The following RGS3 variants were observed in gnomAD, a reference collection of about 807,000 sequenced individuals.
The protein encoded by RGS3 is regulator of G-protein signalling 3.
RGS3 carries 80 observed loss-of-function variants against 132.6 expected under a neutral mutation model. The observed-to-expected ratio is 0.60, with a 90% CI of 0.50 to 0.73. The LOEUF (loss-of-function observed/expected upper bound fraction) is 0.73, where lower values mean the gene tolerates loss of function less well. Among genes scored for constraint, RGS3 ranks in the 30% least tolerant of loss-of-function variants. RGS3 has a pLI of 0.00. For missense variants in RGS3, 1,382 were observed against 1,530.8 expected, an observed-to-expected ratio of 0.90 and a Z score of 1.62; for synonymous variants, 598 against 620.6, an observed-to-expected ratio of 0.96 and a Z score of 0.54.
chr9:113,536,804 G>C (rs752019247), exon 19 of RGS3: 1 of 1,613,920 alleles, frequency 6.2e-7, no homozygotes, highest in African/African-American at 1.3e-5. Context: ...AGAAGGCAGA[G>C]TGCTTATTCA....
chr9:113,452,788 C>A (rs910649013), intron 1 of RGS3, among the ~76,000 whole-genome samples: 4 of 149,622 alleles, frequency 2.7e-5, no homozygotes, highest in African/African-American at 7.4e-5. Flanking sequence ...TCGAGTTCAC[C>A]GATCTTTTTT....
Position 113,463,779 on chromosome 9 carries a change from C to A in RGS3, c.415+1578C>A. 6.3e-7 allele frequency: 1 copy of A among 1,599,224 alleles called. No homozygotes were observed. Among genetic ancestry groups the A allele is most frequent in the Non-Finnish European group, 8.5e-7 (1 of 1,174,016 alleles). On this transcript the variant is annotated intron_variant, in intron 3 of 24. In the 5' UTR this introduces an upstream ATG that the reference lacks. Transcript: ENST00000350696. This position sits in a 1 kb window ranked among gnomAD's most constrained non-coding sequence, Gnocchi z 4.6. ...CAGCCGCCTCGGGTTGCAGACGCTCCTGTCCGGGTCGCAGTGGGACGCCAT... is the reference window on the plus strand; with the variant it reads ...CAGCCGCCTCGGGTTGCAGACGCTCATGTCCGGGTCGCAGTGGGACGCCAT...
At chr9:113,595,128 C>A (rs884992) in intron 23 of RGS3, 148 bp downstream of exon 21, 1 of 725,880 alleles carries the variant, frequency 1.4e-6, no homozygotes. Flanking sequence ...GGGCTGAGCC[C>A]AAGCTGAGGC....
At chr9:113,474,336 T>C (rs1032472667) in intron 3 of RGS3, among the ~76,000 whole-genome samples, 3 of 152,168 alleles carry the variant, frequency 2.0e-5, no homozygotes, top group African/African-American at 7.2e-5. Flanking sequence ...GGGTTCTCCT[T>C]CTTTTAACAC....
chr9:113,495,818 G>T, exon 8 of RGS3: 1 of 1,614,160 alleles, frequency 6.2e-7, no homozygotes, highest in Non-Finnish European at 8.5e-7. Context: ...ATGAGCTTTG[G>T]GGTGAAGTCT....
intron 16 of RGS3, among the ~76,000 whole-genome samples, chr9:113,519,903 A>G (rs1831856695): frequency 6.6e-6 from 1 of 152,134 alleles, no homozygotes; most frequent in Non-Finnish European, 1.5e-5. Flanking sequence ...CCTGAGGTCT[A>G]TGGCCCTGTG....
At chr9:113,484,303 G>A in intron 6 of RGS3, 71 bp downstream of exon 4, 1 of 434,542 alleles carries the variant, frequency 2.3e-6, no homozygotes, top group Non-Finnish European at 4.2e-6. Flanking sequence ...AGCTCTGTTT[G>A]CCAAATCTAG....
At chr9:113,587,653 G>A (rs978307099) in intron 20 of RGS3, among the ~76,000 whole-genome samples, 1 of 152,206 alleles carries the variant, frequency 6.6e-6, no homozygotes, top group Non-Finnish European at 1.5e-5. Flanking sequence ...CAGTCTCGAC[G>A]TTGTCTCCGG....
At chr9:113,592,116 G>A (rs767760969) in intron 21 of RGS3, 4 of 152,372 alleles carry the variant, frequency 2.6e-5, no homozygotes, top group Non-Finnish European at 5.9e-5. Context: ...CTATAGGGAG[G>A]AGCCTCCTGC....
upstream of RGS3, among the ~76,000 whole-genome samples, chr9:113,457,440 A>G (rs570896687): frequency 6.6e-6 from 1 of 152,290 alleles, no homozygotes; most frequent in Admixed American, 6.5e-5. Context: ...CCACTTGACT[A>G]TAAACTCCAT....
intron 19 of RGS3, chr9:113,570,430 G>A (rs553145291): frequency 2.0e-5 from 3 of 152,154 alleles, no homozygotes; most frequent in South Asian, 2.1e-4. Flanking sequence ...AGCCCAGGGA[G>A]CAGAAGAGGA....
chr9:113,446,000 C>A (rs1829091814), intron 1 of RGS3, among the ~76,000 whole-genome samples: 1 of 152,068 alleles, frequency 6.6e-6, no homozygotes. Context: ...TATAGAAAAC[C>A]CCTTGGGTTT....
At chr9:113,536,260 C>G (rs1052626534) in intron 18 of RGS3, among the ~76,000 whole-genome samples, 9 of 152,190 alleles carry the variant, frequency 5.9e-5, no homozygotes, top group African/African-American at 2.2e-4. Context: ...CTCTGCCCGT[C>G]AAAGACTTTC....
upstream of RGS3, among the ~76,000 whole-genome samples, chr9:113,458,181 T>C (rs906860178): frequency 5.9e-5 from 9 of 152,248 alleles, no homozygotes. Context: ...CCTCCCAAAG[T>C]CCTGGGATTA....
chr9:113,505,409 T>C (rs1831083760), intron 10 of RGS3, 33 bp from the exon 9 acceptor site: 1 of 1,605,810 alleles, frequency 6.2e-7, no homozygotes, highest in South Asian at 1.1e-5. Context: ...AGCCTCCAGC[T>C]TCTGGCAGTG....
chr9:113,546,905 G>A (rs529224083), intron 19 of RGS3, among the ~76,000 whole-genome samples: 31 of 152,284 alleles, frequency 2.0e-4, no homozygotes, highest in South Asian at 4.1e-4. Context: ...GGTATTCACC[G>A]TGTGACCTTG....
At position 113,591,263 on chromosome 9, in the gene RGS3, T is replaced by G; in HGVS notation, c.3016-70T>G. 2.1e-6 allele frequency: 3 copies of G among 1,402,812 alleles called. No individual in the cohort carries two copies. Among genetic ancestry groups the G allele is most frequent in the African/African-American group, 1.4e-5 (1 of 70,796 alleles). 86.9% of individuals were successfully genotyped at this position (1,402,812 alleles called of 1,614,324 possible). On this transcript the variant is annotated intron_variant, in intron 20 of 24. Coordinates refer to ENST00000350696, the Ensembl canonical transcript of RGS3. The surrounding 1 kb of genome is among the most constrained non-coding windows in gnomAD (Gnocchi z 4.4). The stretch of plus-strand genomic sequence containing the variant: ...CTGGTGGCAGGGAATGTTGGGTCTC[T>G]GAGCCTCTGTTTACTTAGGCAGGAG...
At chr9:113,499,989 A>G (rs944009916) in intron 10 of RGS3, among the ~76,000 whole-genome samples, 2 of 152,020 alleles carry the variant, frequency 1.3e-5, no homozygotes, top group African/African-American at 4.8e-5. Context: ...CACAGAGAGG[A>G]TGGTGATCAG....
intron 10 of RGS3, chr9:113,505,187 TC>T (rs1040524629): frequency 7.1e-5 from 37 of 521,610 alleles, no homozygotes; most frequent in Non-Finnish European, 1.2e-4. Flanking sequence ...CAAGACCTTG[TC>T]CATCCCAGGC....
Sources: gnomAD v4.1 joint callset for allele counts (sites outside exome capture counted in the v4.1 genomes callset) on GRCh38, gnomAD v4.1.1 for gene constraint, Gnocchi (gnomAD v3.1) non-coding constraint, MANE v1.5 for transcripts, NCBI Gene and HGNC (gene_info 2026-07-23, HGNC 2026-07-21) for gene names.